Variants in MTMR2 observed in about 807,000 individuals in gnomAD.
The protein encoded by MTMR2 is myotubularin related protein 2, also known as phosphatidylinositol-3,5-bisphosphate 3-phosphatase MTMR2.
A neutral mutation model predicts 86.9 loss-of-function variants in MTMR2; 55 were observed. That is an observed-to-expected ratio of 0.63 (90% CI 0.51 to 0.79). MTMR2 has a LOEUF of 0.79. Ranked by LOEUF, MTMR2 falls within the 30% of genes least tolerant of loss-of-function variation. The probability of loss-of-function intolerance (pLI) is 0.00; values close to 1 mark genes in which losing one functional copy is unlikely to be tolerated. For missense variants in MTMR2, 659 were observed against 772.3 expected, an observed-to-expected ratio of 0.85 and a Z score of 1.74; for synonymous variants, 241 against 266.8, an observed-to-expected ratio of 0.90 and a Z score of 0.94.
chr11:95,909,714 A>T (rs1397710069), intron 1 of MTMR2, among the ~76,000 whole-genome samples: 2 of 152,138 alleles, frequency 1.3e-5, no homozygotes, highest in African/African-American at 4.8e-5. Context: ...CTGGGGATAG[A>T]GTTCTCTATT....
rs535525606 is a variant in MTMR2, at chr11:95,895,655, G to C, written c.81-7394C>G. Among the ~76,000 whole-genome samples, 68 of 152,184 alleles carry C rather than the reference G, an allele frequency of 4.5e-4. 1 individual carries two copies. In the Middle Eastern group the frequency reaches 0.014, roughly 30 times the overall value. Reference sequence around the variant, plus strand: ...CAGAACACTCAGGCACTGCTTGTGGGAATGTAAAATGGTATAGCCACTTTG... The same window carrying C: ...CAGAACACTCAGGCACTGCTTGTGGCAATGTAAAATGGTATAGCCACTTTG... On this transcript the variant is annotated intron_variant, in intron 1 of 14. Coordinates refer to ENST00000346299, the MANE Select transcript of MTMR2 (RefSeq NM_016156.6).
chr11:95,890,869 T>C (rs918345952), intron 1 of MTMR2, among the ~76,000 whole-genome samples: 2 of 151,902 alleles, frequency 1.3e-5, no homozygotes, highest in African/African-American at 4.8e-5. Context: ...CAAGAACTCA[T>C]CTCGAAAAAT....
At chr11:95,860,926 G>A (rs1029765871) in intron 5 of MTMR2, among the ~76,000 whole-genome samples, 3 of 152,104 alleles carry the variant, frequency 2.0e-5, no homozygotes, top group African/African-American at 7.2e-5. Context: ...GAGAGGCCGA[G>A]ATGGGCAGAT....
intron 2 of MTMR2, among the ~76,000 whole-genome samples, chr11:95,880,689 T>A (rs1443671414): frequency 6.6e-6 from 1 of 151,922 alleles, no homozygotes; most frequent in African/African-American, 2.4e-5. Flanking sequence ...TATAGTGAGG[T>A]TTAACATTTT....
chr11:95,903,790 CTA>C (rs1207501201), intron 1 of MTMR2, among the ~76,000 whole-genome samples: 1 of 152,132 alleles, frequency 6.6e-6, no homozygotes, highest in Non-Finnish European at 1.5e-5. Context: ...CTTTCTCTTA[CTA>C]TGGAGAAATC....
chr11:95,889,166 T>C (rs1361188767), intron 1 of MTMR2, among the ~76,000 whole-genome samples: 1 of 150,330 alleles, frequency 6.7e-6, no homozygotes, highest in East Asian at 2.0e-4. Context: ...AGAGTTTCAC[T>C]CTTGTCACCC....
chr11:95,881,963 T>C (rs1290666788), intron 2 of MTMR2, among the ~76,000 whole-genome samples: 1 of 152,194 alleles, frequency 6.6e-6, no homozygotes, highest in African/African-American at 2.4e-5. Flanking sequence ...GGATACCCTT[T>C]ATCGGGCTAA....
intron 1 of MTMR2, among the ~76,000 whole-genome samples, chr11:95,893,028 C>T (rs1263572540): frequency 6.6e-6 from 1 of 152,132 alleles, no homozygotes; most frequent in Non-Finnish European, 1.5e-5. Flanking sequence ...AACCTTCTTC[C>T]TCTAAGGTTT....
At chr11:95,919,957 AGACT>A (rs1866853016) in intron 1 of MTMR2, among the ~76,000 whole-genome samples, 1 of 152,214 alleles carries the variant, frequency 6.6e-6, no homozygotes, top group South Asian at 2.1e-4. Flanking sequence ...ATGGAAAACC[AGACT>A]AAGATGGCAG....
intron 14 of MTMR2, 131 bp downstream of exon 14, chr11:95,836,017 A>G (rs1863256786): frequency 2.2e-6 from 2 of 921,806 alleles, no homozygotes; most frequent in East Asian, 4.8e-5. Flanking sequence ...TTTCTACTAT[A>G]CGATTGTTAA....
intron 10 of MTMR2, among the ~76,000 whole-genome samples, chr11:95,845,882 T>TAAAAAAAAAAAAAAAAAAAAAAAAAAA (rs201863810): frequency 1.1e-5 from 1 of 90,100 alleles, no homozygotes; most frequent in Non-Finnish European, 2.1e-5. Flanking sequence ...TATGGTATCT[T>TAAAAAAAAAAAAAAAAAAAAAAAAAAA]AAAAAAAAAA....
intron 2 of MTMR2, among the ~76,000 whole-genome samples, chr11:95,877,618 A>G (rs1041516740): frequency 2.0e-5 from 3 of 152,048 alleles, no homozygotes; most frequent in Non-Finnish European, 4.4e-5. Flanking sequence ...ATTAGTTAAG[A>G]TGAGGTCATA....
In MTMR2 at chr11:95,850,768, A is replaced by G. The variant is rs756828009; in HGVS notation, c.655-19T>C. ...GAATTCCCTACATGTGAAATGAAAC[A>G]TAAGACAAATTACTATATAACTAAA... On this transcript the variant is annotated intron_variant, in intron 7 of 14. Transcript: ENST00000346299. 2.8e-5 allele frequency: 45 copies of G among 1,610,572 alleles called. No individual in the cohort carries two copies. The highest frequency in any genetic ancestry group is 3.6e-5 in the Non-Finnish European group (42 of 1,177,116).
At chr11:95,889,515 TGG>T (rs551765216) in intron 1 of MTMR2, among the ~76,000 whole-genome samples, 2 of 117,500 alleles carry the variant, frequency 1.7e-5, no homozygotes, top group Admixed American at 1.9e-4. Context: ...ATGTCTTTTT[TGG>T]GGGGGGAGGG....
intron 5 of MTMR2, among the ~76,000 whole-genome samples, chr11:95,859,529 A>G (rs966872503): frequency 6.6e-6 from 1 of 152,158 alleles, no homozygotes; most frequent in Non-Finnish European, 1.5e-5. Flanking sequence ...GTGGGGAAAA[A>G]TTGGTATTGT....
chr11:95,851,011 G>C (rs1863995930), intron 7 of MTMR2, among the ~76,000 whole-genome samples: 1 of 147,822 alleles, frequency 6.8e-6, no homozygotes, highest in South Asian at 2.1e-4. Flanking sequence ...CCTGTGCTAA[G>C]CATATTCAGG....
Position 95,836,284 on chromosome 11 carries a change from T to C in MTMR2, c.1634A>G (p.Asn545Ser), listed in dbSNP as rs558018. The change falls in exon 14 of 15, where the codon AAC becomes AGC. Residue 545 changes from asparagine (N) to serine (S), a missense_variant. Around this residue, in one of 3 missense-constraint regions of MTMR2, gnomAD observed 193 missense variants for 191.6 expected, o/e 1.01. Coordinates refer to ENST00000346299, the MANE Select transcript of MTMR2 (RefSeq NM_016156.6). ...ATTAGTGAAGTCTTCCAGCTGGCTG[T>C]TTATGTAAGACCACAGTGACACAGT... ...KRTVSLWSYI[N>S]SQLEDFTNPL... The C allele has an allele frequency of 2.2e-3, 3,629 of 1,612,936 alleles. 75 individuals carry two copies. In the African/African-American group the frequency reaches 0.044, roughly 19 times the overall value.
intron 13 of MTMR2, among the ~76,000 whole-genome samples, chr11:95,836,652 T>A (rs1268938014): frequency 1.3e-5 from 2 of 151,872 alleles, no homozygotes; most frequent in Non-Finnish European, 1.5e-5. Flanking sequence ...TAAAAGTCCA[T>A]CAACTGACGA....
chr11:95,866,247 G>A (rs915749360), intron 2 of MTMR2, among the ~76,000 whole-genome samples: 8 of 152,158 alleles, frequency 5.3e-5, no homozygotes, highest in African/African-American at 1.9e-4. Flanking sequence ...ACCTTTTGAA[G>A]GATGCTACAC....
Sources: gnomAD v4.1 joint callset for allele counts (sites outside exome capture counted in the v4.1 genomes callset) on GRCh38, gnomAD v4.1.1 for gene constraint, gnomAD v4.1.1 regional missense constraint, MANE v1.5 for transcripts, NCBI Gene and HGNC (gene_info 2026-07-23, HGNC 2026-07-21) for gene names.